The following GRID2 variants were observed in gnomAD, a reference collection of about 807,000 sequenced individuals.
GRID2 encodes glutamate ionotropic receptor delta type subunit 2, also known as glutamate receptor ionotropic, delta-2.
GRID2 carries 33 observed loss-of-function variants against 114.8 expected under a neutral mutation model. The ratio of observed to expected loss-of-function variants is 0.29; its 90% confidence interval spans 0.22 to 0.38. The LOEUF is 0.38. Among genes scored for constraint, GRID2 ranks in the 10% least tolerant of loss-of-function variants. The pLI, the probability that GRID2 is intolerant of heterozygous loss-of-function variation, is 1.00. For synonymous variants in GRID2, 505 were observed against 449.9 expected (o/e 1.12, Z -1.55); for missense variants, 1,184 against 1,257.7 (o/e 0.94, Z 0.89).
chr4:93,787,839 T>C (rs975391936), intron 1 of GRID2, among the ~76,000 whole-genome samples: 4 of 152,146 alleles, frequency 2.6e-5, no homozygotes, highest in Non-Finnish European at 5.9e-5. Context: ...ATTACTGGCT[T>C]AGCTATAGAA....
At chr4:93,742,108 C>T (rs1731474075) in intron 14 of GRID2, among the ~76,000 whole-genome samples, 1 of 152,066 alleles carries the variant, frequency 6.6e-6, no homozygotes, top group African/African-American at 2.4e-5. Context: ...TTATGATTCA[C>T]AATCATCTAC....
intron 3 of GRID2, among the ~76,000 whole-genome samples, chr4:93,102,275 A>G (rs752879057): frequency 2.6e-5 from 4 of 152,202 alleles, no homozygotes; most frequent in Non-Finnish European, 5.9e-5. Context: ...TCTTCTGATT[A>G]TCCATATTTC....
At chr4:93,244,041 ACT>A (rs1747851392) in intron 8 of GRID2, among the ~76,000 whole-genome samples, 1 of 151,986 alleles carries the variant, frequency 6.6e-6, no homozygotes, top group Non-Finnish European at 1.5e-5. Context: ...AGATTAAATA[ACT>A]CTACGTTTAA....
intron 1 of GRID2, among the ~76,000 whole-genome samples, chr4:92,384,255 A>G (rs1729760626): frequency 6.7e-6 from 1 of 149,184 alleles, no homozygotes; most frequent in Non-Finnish European, 1.5e-5. Flanking sequence ...TTTCCAATGC[A>G]TGGAAGGGCA....
chr4:92,522,590 TCCA>T (rs1724842988), intron 1 of GRID2, among the ~76,000 whole-genome samples: 1 of 151,944 alleles, frequency 6.6e-6, no homozygotes, highest in South Asian at 2.1e-4. Context: ...TGATAGTTGC[TCCA>T]GCAACGCTGC....
intron 2 of GRID2, among the ~76,000 whole-genome samples, chr4:92,597,692 T>C (rs1472929657): frequency 6.6e-6 from 1 of 152,208 alleles, no homozygotes; most frequent in Non-Finnish European, 1.5e-5. Flanking sequence ...TATGTCTGTA[T>C]GTATGGTGCA....
At chr4:93,212,710 A>C (rs1480044879) in intron 5 of GRID2, among the ~76,000 whole-genome samples, 1 of 151,586 alleles carries the variant, frequency 6.6e-6, no homozygotes, top group African/African-American at 2.4e-5. Context: ...GTAAGACATT[A>C]TTCTCTGTTA....
At chr4:93,304,179 T>C (rs1755167677) in intron 8 of GRID2, among the ~76,000 whole-genome samples, 1 of 148,464 alleles carries the variant, frequency 6.7e-6, no homozygotes, top group South Asian at 2.1e-4. Context: ...TAACTTTATT[T>C]TCGTAAAATC....
chr4:93,425,472 A>G (rs1050834944), intron 10 of GRID2, among the ~76,000 whole-genome samples: 3 of 152,148 alleles, frequency 2.0e-5, no homozygotes, highest in African/African-American at 7.2e-5. Flanking sequence ...GTTCTCCTCA[A>G]GCCCTTCTGA....
chr4:93,674,783 G>A (rs1190207382), intron 14 of GRID2, among the ~76,000 whole-genome samples: 2 of 151,730 alleles, frequency 1.3e-5, no homozygotes, highest in African/African-American at 4.8e-5. Flanking sequence ...CATCTAAAAA[G>A]TGGACATTAA....
At chr4:92,549,122 CAA>C (rs35094573) in intron 1 of GRID2, among the ~76,000 whole-genome samples, 15 of 111,952 alleles carry the variant, frequency 1.3e-4, no homozygotes, top group Admixed American at 2.7e-4. Flanking sequence ...AGGTCTTCCG[CAA>C]AAAAAAAAAA....
chr4:92,951,288 TTA>T (rs1752014685), intron 2 of GRID2, among the ~76,000 whole-genome samples: 1 of 152,076 alleles, frequency 6.6e-6, no homozygotes, highest in East Asian at 1.9e-4. Flanking sequence ...ACAATAGATT[TTA>T]TGTTGTTCTA....
At chr4:93,784,125 T>C (rs976432346) in intron 1 of GRID2, among the ~76,000 whole-genome samples, 6 of 121,520 alleles carry the variant, frequency 4.9e-5, no homozygotes, top group Admixed American at 2.5e-4. Context: ...TCCACTCGCA[T>C]AAAGCTTTAG....
At chr4:93,700,425 T>A (rs931762392) in intron 14 of GRID2, among the ~76,000 whole-genome samples, 1 of 152,178 alleles carries the variant, frequency 6.6e-6, no homozygotes, top group African/African-American at 2.4e-5. Context: ...ATTGTCAATC[T>A]TATTTAGAAG....
chr4:92,479,369 C>G (rs1722470130), intron 1 of GRID2, among the ~76,000 whole-genome samples: 1 of 151,970 alleles, frequency 6.6e-6, no homozygotes, highest in African/African-American at 2.4e-5. Context: ...TAAAATTTTA[C>G]CTATTACAAA....
intron 1 of GRID2, among the ~76,000 whole-genome samples, chr4:93,804,086 T>C (rs1307544249): frequency 6.6e-6 from 1 of 152,104 alleles, no homozygotes. Context: ...AGCCTGAAGG[T>C]CAGTGTCATC....
At chr4:92,465,003 C>A (rs559040248) in intron 1 of GRID2, among the ~76,000 whole-genome samples, 27 of 152,196 alleles carry the variant, frequency 1.8e-4, no homozygotes, top group African/African-American at 6.5e-4. Context: ...CTCTCTCTTG[C>A]TCTGCCATGT....
chr4:93,368,105 T>C (rs1816432), intron 8 of GRID2, among the ~76,000 whole-genome samples: 68,711 of 151,932 alleles, frequency 0.45, 16,357 homozygotes, highest in East Asian at 0.7. Context: ...TCAAAACTAA[T>C]TGGAAAACAA....
intron 2 of GRID2, among the ~76,000 whole-genome samples, chr4:92,862,273 G>T (rs1237116900): frequency 6.6e-6 from 1 of 151,890 alleles, no homozygotes; most frequent in African/African-American, 2.4e-5. Context: ...CCAAATCAAG[G>T]ATGTTTTATG....
Sources: allele counts gnomAD v4.1 joint callset (sites outside exome capture counted in the v4.1 genomes callset), GRCh38; gene constraint gnomAD v4.1.1; transcripts MANE v1.5; gene names NCBI Gene and HGNC (gene_info 2026-07-23, HGNC 2026-07-21).